FRMD4B: variants seen among roughly 807,000 people sequenced by gnomAD.
FRMD4B encodes the protein FERM domain-containing protein 4B.
FRMD4B carries 74 observed loss-of-function variants against 141.5 expected under a neutral mutation model. The ratio of observed to expected loss-of-function variants is 0.52; its 90% CI spans 0.43 to 0.63. FRMD4B has a LOEUF of 0.63. Ranked by LOEUF, FRMD4B falls within the 30% of genes least tolerant of loss-of-function variation. The probability of loss-of-function intolerance (pLI) is 0.00; values close to 1 mark genes in which losing one functional copy is unlikely to be tolerated. For missense variants in FRMD4B, 1,366 were observed against 1,253.4 expected, an observed-to-expected ratio of 1.09 and a Z score of -1.36; for synonymous variants, 506 against 467.9, an observed-to-expected ratio of 1.08 and a Z score of -1.05.
intron 5 of FRMD4B, among the ~76,000 whole-genome samples, chr3:69,252,399 G>A (rs991993722): frequency 2.6e-5 from 4 of 152,138 alleles, no homozygotes; most frequent in African/African-American, 7.2e-5. Flanking sequence ...GTGACGGTGC[G>A]GTGAAGGAGT....
chr3:69,302,785 T>C (rs1701259407), intron 3 of FRMD4B, among the ~76,000 whole-genome samples: 1 of 152,136 alleles, frequency 6.6e-6, no homozygotes, highest in African/African-American at 2.4e-5. Context: ...TTTAAAACTA[T>C]AGAGTGGGCA....
intron 21 of FRMD4B, among the ~76,000 whole-genome samples, chr3:69,177,831 G>A (rs978228577): frequency 6.6e-6 from 1 of 152,128 alleles, no homozygotes; most frequent in African/African-American, 2.4e-5. Flanking sequence ...TTGACTTATT[G>A]AGACTTGACT....
intron 1 of FRMD4B, among the ~76,000 whole-genome samples, chr3:69,339,389 C>T (rs1232035705): frequency 6.6e-6 from 1 of 152,136 alleles, no homozygotes; most frequent in Non-Finnish European, 1.5e-5. Context: ...GCCGGTGGGA[C>T]TTTGGGCAAG....
At chr3:69,423,525 T>A (rs1228586052) in intron 2 of FRMD4B, among the ~76,000 whole-genome samples, 1 of 152,192 alleles carries the variant, frequency 6.6e-6, no homozygotes, top group Non-Finnish European at 1.5e-5. Context: ...TTTTGCTGTT[T>A]AAAATGCCCC....
chr3:69,173,618 T>C (rs1387338460), intron 22 of FRMD4B, among the ~76,000 whole-genome samples: 1 of 152,176 alleles, frequency 6.6e-6, no homozygotes, highest in Non-Finnish European at 1.5e-5. Flanking sequence ...TGTTAATAGG[T>C]TAAATTGATC....
intron 1 of FRMD4B, among the ~76,000 whole-genome samples, chr3:69,503,858 C>G (rs1028781141): frequency 1.3e-5 from 2 of 152,192 alleles, no homozygotes; most frequent in Non-Finnish European, 2.9e-5. Context: ...TACAGCCTCA[C>G]TGTCCTCATC....
intron 21 of FRMD4B, among the ~76,000 whole-genome samples, chr3:69,178,387 A>G (rs1185886236): frequency 6.6e-6 from 1 of 152,166 alleles, no homozygotes; most frequent in African/African-American, 2.4e-5. Flanking sequence ...TTAAGATGTT[A>G]GAGCTGTGGG....
chr3:69,385,797 G>T (rs1327364024), intron 1 of FRMD4B, 31 bp downstream of exon 1: 1 of 1,506,056 alleles, frequency 6.6e-7, no homozygotes, highest in Non-Finnish European at 8.9e-7. Flanking sequence ...CATCCTGCTG[G>T]GGCCCTCGGG....
Position 69,176,954 on chromosome 3 carries a change from G to T in FRMD4B, c.2852-298C>A, listed in dbSNP as rs1053081156. 9.4e-5 allele frequency among the ~76,000 whole-genome samples: 3 copies of T among 31,952 alleles called. No individual in the cohort carries two copies. In the Middle Eastern group the frequency reaches 0.06, roughly 639 times the overall value. 21.0% of individuals were successfully genotyped at this position (31,952 alleles called of 152,430 possible). ...GGTAATTATGAAAATCTTTAGCACT[G>T]TACTTGATACAAAGTACTCAGTAAA... On this transcript the variant is annotated intron_variant, in intron 21 of 22. Transcript: ENST00000398540.
At position 69,189,916 on chromosome 3, in the gene FRMD4B, T is replaced by A; in HGVS notation, c.1751A>T (p.Asp584Val). The A allele has an allele frequency of 6.2e-7, 1 of 1,601,148 alleles. No homozygotes were observed. The highest frequency in any genetic ancestry group is 8.6e-7 in the Non-Finnish European group (1 of 1,168,532). Residue 584 changes from aspartate (D) to valine (V), a missense_variant, in exon 18 of 23, where the codon GAC (aspartate) becomes GTC (valine). Coordinates refer to ENST00000398540, the MANE Select transcript of FRMD4B (RefSeq NM_015123.3). The part of the protein sequence containing the change: ...IIPSESSSLS[D>V]TTTYDDPSDA... ...CTTACGATCATCATAGGTGGTGGTG[T>A]CAGACAAAGAGCTACTCTCTGAGGG...
At position 69,180,365 on chromosome 3, in the gene FRMD4B, C is replaced by T. The variant is rs1006553888; in HGVS notation, c.2851+534G>A. On this transcript the variant is annotated intron_variant, in intron 21 of 22. Coordinates refer to ENST00000398540, the MANE Select transcript of FRMD4B (RefSeq NM_015123.3). The stretch of plus-strand genomic sequence containing the variant: ...ACTTGCCTAAGTACCTGCATAATCC[C>T]AGGCTTGCATTCAAAGCAGTCCTTA... Among the ~76,000 whole-genome samples the T allele has an allele frequency of 3.3e-5, 5 of 152,048 alleles. No individual in the cohort carries two copies. In the South Asian group the frequency reaches 8.3e-4, roughly 25 times the overall value.
At chr3:69,193,612 G>T in intron 17 of FRMD4B, 36 bp downstream of exon 17, 1 of 1,054,170 alleles carries the variant, frequency 9.5e-7, no homozygotes. Flanking sequence ...GTACTGAGTA[G>T]GGGACTCAAA....
chr3:69,410,503 A>G (rs1423719144), intron 2 of FRMD4B, among the ~76,000 whole-genome samples: 1 of 151,798 alleles, frequency 6.6e-6, no homozygotes, highest in African/African-American at 2.4e-5. Context: ...TGTAGTTTGC[A>G]AGACCTGTAC....
intron 5 of FRMD4B, among the ~76,000 whole-genome samples, chr3:69,280,451 T>C (rs10049245): frequency 0.95 from 145,248 of 152,206 alleles, 69,701 homozygotes; most frequent in East Asian, 1. Context: ...TCTAGAAGTG[T>C]TGCTTTGTCC....
intron 7 of FRMD4B, among the ~76,000 whole-genome samples, chr3:69,233,608 A>G (rs927883810): frequency 6.6e-6 from 1 of 152,166 alleles, no homozygotes; most frequent in African/African-American, 2.4e-5. Flanking sequence ...TTAAGTGCCT[A>G]TTTGAACACT....
rs1703917136 is a variant in FRMD4B, at chr3:69,374,646, A to T, written c.162+11182T>A. Among the ~76,000 whole-genome samples, 3 of 152,196 alleles carry T rather than the reference A, an allele frequency of 2.0e-5. No individual in the cohort carries two copies. The South Asian group carries it at 6.2e-4, about 31-fold the overall frequency. ...AGAGTTAGGAGGAAGAAAATTTAAC[A>T]ATTTCCTGTCAGAGAGACAGAAATA... On this transcript the variant is annotated intron_variant, in intron 1 of 22. Transcript: ENST00000398540.
At chr3:69,298,070 C>T (rs961282089) in intron 4 of FRMD4B, among the ~76,000 whole-genome samples, 1 of 152,092 alleles carries the variant, frequency 6.6e-6, no homozygotes, top group African/African-American at 2.4e-5. Context: ...ATTTATTAAC[C>T]CTTCAAATCT....
chr3:69,324,755 C>G (rs1173822686), intron 1 of FRMD4B, among the ~76,000 whole-genome samples: 1 of 152,132 alleles, frequency 6.6e-6, no homozygotes, highest in African/African-American at 2.4e-5. Flanking sequence ...TAAGCATGTG[C>G]AAAACTCACT....
intron 8 of FRMD4B, 97 bp from the exon 9 acceptor site, chr3:69,222,020 G>A (rs1403025519): frequency 6.9e-6 from 5 of 723,840 alleles, no homozygotes; most frequent in Admixed American, 2.1e-5. Flanking sequence ...AAACTTGAGA[G>A]AGAAAGCCTT....
Sources: allele counts gnomAD v4.1 joint callset (sites outside exome capture counted in the v4.1 genomes callset), GRCh38; gene constraint gnomAD v4.1.1; transcripts MANE v1.5; gene names NCBI Gene and HGNC (gene_info 2026-07-23, HGNC 2026-07-21).